MYLIP: variants seen among roughly 807,000 people sequenced by gnomAD.
The protein encoded by MYLIP is myosin regulatory light chain interacting protein.
Under a neutral mutation model 45.8 loss-of-function variants are expected in MYLIP, and 26 were observed. The ratio of observed to expected loss-of-function variants is 0.57; its 90% CI spans 0.42 to 0.79. The LOEUF (loss-of-function observed/expected upper bound fraction) is 0.79, where lower values mean the gene tolerates loss of function less well. MYLIP is among the 30% of genes least tolerant of loss of function. The probability of loss-of-function intolerance (pLI) is 0.00; values close to 1 mark genes in which losing one functional copy is unlikely to be tolerated. For synonymous variants in MYLIP, 213 were observed against 218.1 expected, an observed-to-expected ratio of 0.98 and a Z score of 0.21; for missense variants, 494 against 555.6, an observed-to-expected ratio of 0.89 and a Z score of 1.11.
downstream of MYLIP, among the ~76,000 whole-genome samples, chr6:16,150,761 A>C (rs190581688): frequency 6.6e-6 from 1 of 152,324 alleles, no homozygotes; most frequent in East Asian, 1.9e-4. Context: ...ACAAGACTTG[A>C]ACAAAATCAT....
chr6:16,129,467 C>T lies in MYLIP; in HGVS notation c.87+58C>T. ...GGTCCCGCGAGGCCGAGGGGCCTCG[C>T]AGCGACGCCTGGCACTCTGGCGCGC... is the stretch of plus-strand genomic sequence containing the variant. On this transcript the variant is annotated intron_variant, in intron 1 of 6. Transcript: ENST00000356840. The surrounding 1 kb of genome is among the most constrained non-coding windows in gnomAD (Gnocchi z 5.1). 6.7e-7 allele frequency: 1 copy of T among 1,503,572 alleles called. No homozygotes were observed. Among genetic ancestry groups the T allele is most frequent in the Non-Finnish European group, 9.0e-7 (1 of 1,108,688 alleles). 93.1% of individuals were successfully genotyped at this position (1,503,572 alleles called of 1,614,324 possible).
At chr6:16,136,201 C>T (rs1391424115) in intron 2 of MYLIP, among the ~76,000 whole-genome samples, 1 of 152,144 alleles carries the variant, frequency 6.6e-6, no homozygotes, top group Non-Finnish European at 1.5e-5. Flanking sequence ...CCAGAAAGTT[C>T]CCTGAAGCCC....
the MYLIP span, among the ~76,000 whole-genome samples, chr6:16,157,952 T>G: frequency 6.6e-6 from 1 of 152,366 alleles, no homozygotes; most frequent in Non-Finnish European, 1.5e-5. Flanking sequence ...GAAGGCAAGA[T>G]AGCAGGATTT....
At chr6:16,142,944 T>G in intron 3 of MYLIP, 76 bp from the exon 4 acceptor site, 1 of 1,404,744 alleles carries the variant, frequency 7.1e-7, no homozygotes, top group Non-Finnish European at 9.9e-7. Flanking sequence ...TATATTTCAC[T>G]CGTGAAGACT....
chr6:16,161,247 C>T, the MYLIP span: 7 of 344,196 alleles, frequency 2.0e-5, no homozygotes, highest in African/African-American at 4.3e-5. Context: ...GTAATACACC[C>T]GTGAAATACA....
the MYLIP span, chr6:16,161,506 T>G: frequency 6.4e-6 from 1 of 156,996 alleles, no homozygotes; most frequent in African/African-American, 2.4e-5. Flanking sequence ...TTGCAATCCA[T>G]CAGAAGCCAT....
At chr6:16,132,391 TC>T (rs1759475448) in intron 2 of MYLIP, among the ~76,000 whole-genome samples, 1 of 152,210 alleles carries the variant, frequency 6.6e-6, no homozygotes, top group African/African-American at 2.4e-5. Context: ...AAATTTCCTG[TC>T]TTGGTCTCTC....
At chr6:16,151,313 C>T (rs545372389), downstream of MYLIP, among the ~76,000 whole-genome samples, 19 of 151,174 alleles carry the variant, frequency 1.3e-4, no homozygotes, top group South Asian at 4.2e-4. Flanking sequence ...GCCGAGATCG[C>T]GCCACTGCAC....
At chr6:16,156,547 A>G in the MYLIP span, among the ~76,000 whole-genome samples, 1 of 152,234 alleles carries the variant, frequency 6.6e-6, no homozygotes, top group Admixed American at 6.5e-5. Context: ...TGCAGGCCTT[A>G]CTGAGGCTTT....
At chr6:16,160,980 G>A in the MYLIP span, 1 of 155,032 alleles carries the variant, frequency 6.5e-6, no homozygotes. Flanking sequence ...CACACCGGCT[G>A]GCAGGGGCTG....
chr6:16,137,225 C>T (rs1319371250), intron 2 of MYLIP, among the ~76,000 whole-genome samples: 4 of 152,238 alleles, frequency 2.6e-5, no homozygotes, highest in Non-Finnish European at 4.4e-5. Flanking sequence ...AGAAAACTCT[C>T]ATAGCAATTC....
the MYLIP span, among the ~76,000 whole-genome samples, chr6:16,153,719 G>A: frequency 6.6e-6 from 1 of 152,156 alleles, no homozygotes; most frequent in African/African-American, 2.4e-5. Context: ...GAGAGCGCGA[G>A]AGCCAGGCAA....
rs1310656837 is a variant in MYLIP at position 16,146,920 on chromosome 6, A to G, written c.*169A>G. 3.5e-6 allele frequency: 2 copies of G among 567,710 alleles called. No individual in the cohort carries two copies. Among genetic ancestry groups the G allele is most frequent in the African/African-American group, 3.7e-5 (2 of 53,506 alleles). The allele number at this position is 567,710 out of a possible 1,614,324, so 35.2% of individuals were successfully genotyped here. The stretch of plus-strand genomic sequence containing the variant: ...CACAGCTACTCCTCACTGCAAAAAC[A>G]TATCCATGCGTAGAATCAACAACTC... On this transcript the variant is annotated 3_prime_UTR_variant, in exon 7 of 7. Transcript: ENST00000356840.
the MYLIP span, among the ~76,000 whole-genome samples, chr6:16,162,785 T>TA: frequency 0.012 from 857 of 69,566 alleles, 60 homozygotes; most frequent in African/African-American, 0.052. Context: ...ACCTCAACTC[T>TA]AAAAAAAAAA....
At position 16,129,470 on chromosome 6, in the gene MYLIP, C is replaced by A. The variant is rs939182194; in HGVS notation, c.87+61C>A. The A allele has an allele frequency of 2.7e-6, 4 of 1,488,844 alleles. No homozygotes were observed. Among genetic ancestry groups the A allele is most frequent in the African/African-American group, 1.4e-5 (1 of 71,268 alleles). 92.2% of individuals were successfully genotyped at this position (1,488,844 alleles called of 1,614,324 possible). A position where few individuals can be genotyped will look rare whatever the true frequency, so the allele number is the denominator to read the frequency against. ...CCCGCGAGGCCGAGGGGCCTCGCAG[C>A]GACGCCTGGCACTCTGGCGCGCCCC... On this transcript the variant is annotated intron_variant, in intron 1 of 6. Coordinates refer to ENST00000356840, the MANE Select transcript of MYLIP (RefSeq NM_013262.4). This position sits in a 1 kb window ranked among gnomAD's most constrained non-coding sequence, Gnocchi z 5.1.
the MYLIP span, among the ~76,000 whole-genome samples, chr6:16,160,241 A>C: frequency 6.6e-6 from 1 of 152,212 alleles, no homozygotes; most frequent in Non-Finnish European, 1.5e-5. Flanking sequence ...TATATACCAC[A>C]AAGAGTGAAT....
chr6:16,157,325 C>CAACACATACCATCAGAGG, the MYLIP span, among the ~76,000 whole-genome samples: 23 of 152,328 alleles, frequency 1.5e-4, no homozygotes, highest in African/African-American at 5.5e-4. Flanking sequence ...CACTTTGAAC[C>CAACACATACCATCAGAGG]AACACATACC....
In MYLIP at chr6:16,143,049, G is replaced by A. The variant is rs930041201; in HGVS notation, c.494G>A (p.Gly165Glu). ...SIVAKHKELE[G>E]TSQASAEYQV... ...GTTGCAAAACATAAGGAGTTGGAGG[G>A]GACCAGCCAGGCTTCAGCTGAATAC... The change falls in exon 4 of 7, where the codon GGG (glycine) becomes GAG (glutamate). Residue 165 changes from glycine (G) to glutamate (E), a missense_variant. Coordinates refer to ENST00000356840, the MANE Select transcript of MYLIP (RefSeq NM_013262.4). The A allele has an allele frequency of 6.2e-7, 1 of 1,614,116 alleles. No homozygotes were observed. The highest frequency in any genetic ancestry group is 8.5e-7 in the Non-Finnish European group (1 of 1,180,018).
intron 3 of MYLIP, among the ~76,000 whole-genome samples, chr6:16,142,222 T>C (rs1759688325): frequency 6.6e-6 from 1 of 152,266 alleles, no homozygotes; most frequent in Non-Finnish European, 1.5e-5. Context: ...ACTGGGCCAT[T>C]GCCCAATTTA....
Sources: allele counts gnomAD v4.1 joint callset (sites outside exome capture counted in the v4.1 genomes callset), GRCh38; gene constraint gnomAD v4.1.1; non-coding constraint Gnocchi (gnomAD v3.1); transcripts MANE v1.5; gene names NCBI Gene and HGNC (gene_info 2026-07-23, HGNC 2026-07-21).